The following CLVS1 variants were observed in gnomAD, a reference collection of about 807,000 sequenced individuals.
CLVS1 encodes clavesin 1.
Under a neutral mutation model 33.1 loss-of-function variants are expected in CLVS1, and 10 were observed. The observed-to-expected ratio is 0.30, with a 90% CI of 0.19 to 0.51. The LOEUF is 0.51. CLVS1 is among the 20% of genes least tolerant of loss of function. CLVS1 has a pLI of 0.97. For synonymous variants in CLVS1, 163 were observed against 166.1 expected, an observed-to-expected ratio of 0.98 and a Z score of 0.14; for missense variants, 343 against 433.4, an observed-to-expected ratio of 0.79 and a Z score of 1.85.
chr8:61,497,605 G>A (rs1804313675), intron 5 of CLVS1, among the ~76,000 whole-genome samples: 1 of 152,064 alleles, frequency 6.6e-6, no homozygotes, highest in South Asian at 2.1e-4. Flanking sequence ...TCCCTTCATG[G>A]TTCATCAGAA....
chr8:61,269,571 G>T (rs1302906507), intron 2 of CLVS1, among the ~76,000 whole-genome samples: 6 of 151,692 alleles, frequency 4.0e-5, no homozygotes, highest in Admixed American at 1.3e-4. Flanking sequence ...TTGGTAGCTT[G>T]ATGGGGATGG....
intron 2 of CLVS1, among the ~76,000 whole-genome samples, chr8:61,279,763 A>G (rs886731891): frequency 1.3e-5 from 2 of 152,252 alleles, no homozygotes; most frequent in Non-Finnish European, 2.9e-5. Flanking sequence ...ATACAACTAT[A>G]TAATATGTTA....
intron 1 of CLVS1, among the ~76,000 whole-genome samples, chr8:61,062,100 G>T (rs1804593058): frequency 6.6e-6 from 1 of 152,134 alleles, no homozygotes; most frequent in African/African-American, 2.4e-5. Context: ...AACATCACTG[G>T]ACAGGGAAAT....
intron 2 of CLVS1, among the ~76,000 whole-genome samples, chr8:61,226,223 CA>C (rs1808326544): frequency 6.6e-6 from 1 of 151,994 alleles, no homozygotes; most frequent in Admixed American, 6.6e-5. Context: ...GCTCCAGAAA[CA>C]AAAAAGCACA....
intron 5 of CLVS1, among the ~76,000 whole-genome samples, chr8:61,469,203 T>C (rs773163415): frequency 1.4e-4 from 22 of 152,300 alleles, no homozygotes; most frequent in Non-Finnish European, 2.9e-4. Context: ...AGCACCTCCA[T>C]GCAAAAAGTG....
intron 2 of CLVS1, among the ~76,000 whole-genome samples, chr8:61,179,695 AAACCACACAAC>A (rs1807192985): frequency 1.3e-5 from 2 of 152,216 alleles, no homozygotes; most frequent in Non-Finnish European, 2.9e-5. Context: ...AACTTACTCA[AAACCACACAAC>A]TACATGGAAA....
chr8:60,996,520 C>T, the CLVS1 span, among the ~76,000 whole-genome samples: 1 of 152,202 alleles, frequency 6.6e-6, no homozygotes, highest in South Asian at 2.1e-4. Flanking sequence ...GGAAATTTCT[C>T]TTTTAGCTGG....
At chr8:61,175,571 C>A (rs1278887441) in intron 2 of CLVS1, among the ~76,000 whole-genome samples, 1 of 152,092 alleles carries the variant, frequency 6.6e-6, no homozygotes, top group Non-Finnish European at 1.5e-5. Context: ...TGACGTCACC[C>A]TGGATTAAAG....
intron 2 of CLVS1, among the ~76,000 whole-genome samples, chr8:61,142,822 G>A (rs952887965): frequency 6.6e-6 from 1 of 152,168 alleles, no homozygotes; most frequent in African/African-American, 2.4e-5. Flanking sequence ...TTCTGATCTG[G>A]TGATATTTTC....
chr8:61,258,606 C>T (rs1349640815), intron 2 of CLVS1, among the ~76,000 whole-genome samples: 1 of 152,146 alleles, frequency 6.6e-6, no homozygotes, highest in Non-Finnish European at 1.5e-5. Context: ...GGCATCTTAT[C>T]CGAGACTCCA....
chr8:61,430,364 C>T (rs1392388742), intron 3 of CLVS1, among the ~76,000 whole-genome samples: 1 of 152,148 alleles, frequency 6.6e-6, no homozygotes, highest in Non-Finnish European at 1.5e-5. Context: ...TTACAAAGCA[C>T]TCTGGGCCCA....
intron 1 of CLVS1, among the ~76,000 whole-genome samples, chr8:61,106,328 T>C (rs1805538124): frequency 6.6e-6 from 1 of 152,258 alleles, no homozygotes; most frequent in South Asian, 2.1e-4. Context: ...TGGCTCGCTG[T>C]TGATTTTATC....
chr8:61,029,574 C>T, the CLVS1 span, among the ~76,000 whole-genome samples: 2 of 150,650 alleles, frequency 1.3e-5, no homozygotes, highest in South Asian at 2.1e-4. Flanking sequence ...CTGCTTTCCA[C>T]CTGAGAAACA....
At position 61,476,729 on chromosome 8, in the gene CLVS1, C is replaced by G. The variant is rs1228257976; in HGVS notation, c.977+18187C>G. Among the ~76,000 whole-genome samples the G allele has an allele frequency of 3.3e-5, 5 of 152,292 alleles. No homozygotes were observed. The East Asian group carries it at 9.6e-4, about 29-fold the overall frequency. ...CGATGGGGTTTTCTAGATATACAAT[C>G]ATGTCATCTTCAAACAGGGACAATT... is the stretch of plus-strand genomic sequence containing the variant. On this transcript the variant is annotated intron_variant, in intron 5 of 5. Transcript: ENST00000325897.
At chr8:61,292,975 A>AAAAGTTTTCAGTGT (rs1400278801) in intron 1 of CLVS1, among the ~76,000 whole-genome samples, 4 of 152,168 alleles carry the variant, frequency 2.6e-5, no homozygotes, top group Admixed American at 6.5e-5. Flanking sequence ...TTTTGGTTAC[A>AAAAGTTTTCAGTGT]AAAGTTTTCA....
chr8:61,407,720 A>C (rs1815045219), intron 3 of CLVS1, among the ~76,000 whole-genome samples: 1 of 152,228 alleles, frequency 6.6e-6, no homozygotes, highest in South Asian at 2.1e-4. Flanking sequence ...ATGCATATTG[A>C]AGCTTTTAAA....
At chr8:61,177,517 C>T (rs747261112) in intron 2 of CLVS1, among the ~76,000 whole-genome samples, 1 of 152,180 alleles carries the variant, frequency 6.6e-6, no homozygotes, top group Non-Finnish European at 1.5e-5. Flanking sequence ...GCTTCCTATG[C>T]CACCCAACTG....
intron 2 of CLVS1, among the ~76,000 whole-genome samples, chr8:61,141,348 T>C (rs1252267642): frequency 6.6e-6 from 1 of 152,158 alleles, no homozygotes; most frequent in Non-Finnish European, 1.5e-5. Flanking sequence ...TTAAAAAAAG[T>C]TACAGCATTT....
the CLVS1 span, among the ~76,000 whole-genome samples, chr8:61,035,187 C>CTT: frequency 0.073 from 9,417 of 129,238 alleles, 501 homozygotes; most frequent in Admixed American, 0.11. Context: ...TTTCTTTTTT[C>CTT]TTTTTTTTTT....
Sources: allele counts gnomAD v4.1 joint callset (sites outside exome capture counted in the v4.1 genomes callset), GRCh38; gene constraint gnomAD v4.1.1; transcripts MANE v1.5; gene names NCBI Gene and HGNC (gene_info 2026-07-23, HGNC 2026-07-21).